The following ROBO2 variants were observed in gnomAD, a reference collection of about 807,000 sequenced individuals.
ROBO2 encodes roundabout homolog 2.
Under a neutral mutation model 160.8 loss-of-function variants are expected in ROBO2, and 53 were observed. That is an observed-to-expected ratio of 0.33 (90% confidence interval 0.26 to 0.41). The LOEUF (loss-of-function observed/expected upper bound fraction) is 0.41. Ranked by LOEUF, ROBO2 falls within the 10% of genes least tolerant of loss-of-function variation. The pLI, the probability that ROBO2 is intolerant of heterozygous loss-of-function variation, is 1.00. For missense variants in ROBO2, 1,577 were observed against 1,722.4 expected (o/e 0.92, Z 1.49); for synonymous variants, 664 against 611.7 (o/e 1.09, Z -1.26).
intron 9 of ROBO2, among the ~76,000 whole-genome samples, chr3:77,560,152 T>TG (rs1358479158): frequency 6.6e-6 from 1 of 152,084 alleles, no homozygotes; most frequent in African/African-American, 2.4e-5. Flanking sequence ...TGCTTGATGA[T>TG]GTCAAACAAA....
chr3:76,622,277 A>AAGGAAGGAAG (rs2089250993), intron 2 of ROBO2, among the ~76,000 whole-genome samples: 1 of 66,246 alleles, frequency 1.5e-5, no homozygotes, highest in African/African-American at 5.2e-5. Flanking sequence ...AAAGAAAGAA[A>AAGGAAGGAAG]GAAAGAAAGA....
chr3:77,357,312 G>T (rs893060727), intron 2 of ROBO2, among the ~76,000 whole-genome samples: 5 of 152,090 alleles, frequency 3.3e-5, no homozygotes, highest in Admixed American at 3.3e-4. Flanking sequence ...GCAGGAGTGG[G>T]TTCCTTATCT....
chr3:77,251,594 C>G (rs1042693368), intron 2 of ROBO2, among the ~76,000 whole-genome samples: 19 of 152,126 alleles, frequency 1.2e-4, no homozygotes, highest in African/African-American at 2.4e-5. Flanking sequence ...TAGCCACACC[C>G]TTAGTGATAT....
At chr3:77,064,964 G>A (rs1025520313) in intron 1 of ROBO2, among the ~76,000 whole-genome samples, 4 of 152,214 alleles carry the variant, frequency 2.6e-5, no homozygotes, top group East Asian at 3.9e-4. Flanking sequence ...TGGGTTTTTG[G>A]AAACTGATCA....
At chr3:77,184,730 G>A (rs2150883609) in intron 2 of ROBO2, among the ~76,000 whole-genome samples, 1 of 152,102 alleles carries the variant, frequency 6.6e-6, no homozygotes, top group South Asian at 2.1e-4. Context: ...ATCCTTCAGT[G>A]TTAGCTTTAA....
At chr3:77,479,213 G>A (rs749335130) in intron 3 of ROBO2, among the ~76,000 whole-genome samples, 4 of 152,116 alleles carry the variant, frequency 2.6e-5, no homozygotes, top group Admixed American at 2.0e-4. Flanking sequence ...TGCAAGCAAA[G>A]GTTGTCTTAT....
chr3:76,835,451 T>C (rs927555084), intron 2 of ROBO2, among the ~76,000 whole-genome samples: 1 of 148,166 alleles, frequency 6.7e-6, no homozygotes, highest in Admixed American at 6.8e-5. Context: ...TAATACATTA[T>C]ATGTTTGCAC....
At chr3:76,234,950 T>C (rs1350397323) in intron 2 of ROBO2, among the ~76,000 whole-genome samples, 2 of 152,074 alleles carry the variant, frequency 1.3e-5, no homozygotes, top group East Asian at 3.9e-4. Flanking sequence ...CTGATTTAGA[T>C]GGTTTAGAAG....
chr3:77,104,753 C>G (rs1018537359), intron 2 of ROBO2, among the ~76,000 whole-genome samples: 2 of 152,154 alleles, frequency 1.3e-5, no homozygotes, highest in African/African-American at 4.8e-5. Context: ...AACATTTCTA[C>G]TGTTTTATCC....
At chr3:76,451,955 T>C (rs761364713) in intron 2 of ROBO2, among the ~76,000 whole-genome samples, 25 of 152,166 alleles carry the variant, frequency 1.6e-4, no homozygotes, top group Non-Finnish European at 3.2e-4. Flanking sequence ...TCTTTCTTTA[T>C]GTTAGATTTA....
At chr3:76,437,252 GA>G (rs1404375655) in intron 2 of ROBO2, among the ~76,000 whole-genome samples, 4 of 152,086 alleles carry the variant, frequency 2.6e-5, no homozygotes, top group African/African-American at 9.7e-5. Flanking sequence ...TTATATAAAG[GA>G]ATCACATATG....
intron 2 of ROBO2, among the ~76,000 whole-genome samples, chr3:76,618,558 C>T (rs17014453): frequency 0.21 from 31,339 of 151,110 alleles, 3,702 homozygotes; most frequent in Middle Eastern, 0.27. Flanking sequence ...CAACTTTAAA[C>T]ACTTTTGTCT....
intron 2 of ROBO2, among the ~76,000 whole-genome samples, chr3:76,565,739 T>A (rs1163496406): frequency 6.6e-6 from 1 of 152,198 alleles, no homozygotes; most frequent in African/African-American, 2.4e-5. Context: ...AGGAGGAAGT[T>A]GTTACTTTCA....
chr3:77,640,828 A>C (rs2095341192), intron 24 of ROBO2, among the ~76,000 whole-genome samples: 1 of 152,198 alleles, frequency 6.6e-6, no homozygotes, highest in Admixed American at 6.5e-5. Flanking sequence ...GTGTGCATGT[A>C]ATGTCCTTTC....
At chr3:75,950,257 A>G (rs1180333714) in intron 2 of ROBO2, among the ~76,000 whole-genome samples, 1 of 152,126 alleles carries the variant, frequency 6.6e-6, no homozygotes, top group African/African-American at 2.4e-5. Flanking sequence ...TTTCTTTTAT[A>G]GCTGCTGAGT....
chr3:76,152,140 G>A (rs900921744), intron 2 of ROBO2, among the ~76,000 whole-genome samples: 1 of 152,150 alleles, frequency 6.6e-6, no homozygotes, highest in Non-Finnish European at 1.5e-5. Flanking sequence ...CATCCTTAAT[G>A]CACTTCCAGG....
chr3:77,446,507 C>T (rs1437928896), intron 2 of ROBO2, among the ~76,000 whole-genome samples: 2 of 152,026 alleles, frequency 1.3e-5, no homozygotes, highest in African/African-American at 4.8e-5. Context: ...AGTATATATC[C>T]ATATTGTTTT....
At chr3:77,504,238 G>T (rs949668268) in intron 5 of ROBO2, among the ~76,000 whole-genome samples, 2 of 152,044 alleles carry the variant, frequency 1.3e-5, no homozygotes, top group South Asian at 2.1e-4. Flanking sequence ...ATTACAAAAG[G>T]TATTGTAATA....
chr3:76,024,370 TA>T (rs1434056945), intron 2 of ROBO2, among the ~76,000 whole-genome samples: 4 of 58,640 alleles, frequency 6.8e-5, no homozygotes, highest in African/African-American at 1.2e-4. Context: ...TTTTAGAACT[TA>T]TTTTTTTTTT....
Sources: allele counts gnomAD v4.1 joint callset (sites outside exome capture counted in the v4.1 genomes callset), GRCh38; gene constraint gnomAD v4.1.1; transcripts MANE v1.5; gene names NCBI Gene and HGNC (gene_info 2026-07-23, HGNC 2026-07-21).